Variants in CRTC3 observed in about 807,000 individuals in gnomAD.
CRTC3 encodes the protein CREB regulated transcription coactivator 3.
In CRTC3, 26 loss-of-function variants were observed where a neutral mutation model predicts 74.5. That is an observed-to-expected ratio of 0.35 (90% CI 0.26 to 0.48). The LOEUF (loss-of-function observed/expected upper bound fraction) is 0.48, where lower values mean the gene tolerates loss of function less well. Ranked by LOEUF, CRTC3 falls within the 20% of genes least tolerant of loss-of-function variation. The pLI is 0.99. For synonymous variants in CRTC3, 377 were observed against 325.8 expected (o/e 1.16, Z -1.69); for missense variants, 760 against 787.3 (o/e 0.97, Z 0.41).
At chr15:90,629,137 A>G in intron 10 of CRTC3, 97 bp from the exon 11 acceptor site, 12 of 1,177,618 alleles carry the variant, frequency 1.0e-5, no homozygotes, top group South Asian at 1.5e-5. Flanking sequence ...CTACAGAATC[A>G]TCATCGCATG....
intron 2 of CRTC3, among the ~76,000 whole-genome samples, chr15:90,557,339 G>A (rs941669081): frequency 3.3e-5 from 5 of 152,142 alleles, no homozygotes; most frequent in African/African-American, 1.2e-4. Flanking sequence ...CCTTGAGGTT[G>A]CTTTCTCGCC....
chr15:90,582,568 A>G (rs1427414405), intron 2 of CRTC3, among the ~76,000 whole-genome samples: 1 of 152,230 alleles, frequency 6.6e-6, no homozygotes, highest in African/African-American at 2.4e-5. Flanking sequence ...AAAGAGTTTT[A>G]TATCCCCAAT....
chr15:90,588,127 G>A (rs1967710667), intron 2 of CRTC3, among the ~76,000 whole-genome samples: 1 of 151,916 alleles, frequency 6.6e-6, no homozygotes, highest in East Asian at 1.9e-4. Flanking sequence ...AGGCATGGTA[G>A]CACATGCCTG....
At position 90,628,222 on chromosome 15, in the gene CRTC3, A is replaced by AAAT. The variant is rs1018430137; in HGVS notation, c.968-998_968-996dup. Among the ~76,000 whole-genome samples the AAAT allele has an allele frequency of 5.4e-3, 812 of 151,494 alleles. 5 individuals are homozygous for AAAT. The highest frequency in any genetic ancestry group is 7.5e-3 in the Non-Finnish European group (507 of 67,880). ...ACAGAGCGAGACTCTGTCTCAAAAA[A>AAAT]AATAATAATAATAATAGTGATAATA... On this transcript the variant is annotated intron_variant, in intron 10 of 14. Transcript: ENST00000268184.
At chr15:90,534,380 G>C (rs1031188934) in intron 1 of CRTC3, among the ~76,000 whole-genome samples, 1 of 152,178 alleles carries the variant, frequency 6.6e-6, no homozygotes. Context: ...TGTTTAGATG[G>C]TTTTGCAGCT....
intron 6 of CRTC3, among the ~76,000 whole-genome samples, chr15:90,611,886 T>C (rs1281594151): frequency 1.3e-5 from 2 of 152,270 alleles, no homozygotes; most frequent in East Asian, 3.9e-4. Context: ...CTTCTCCAAC[T>C]GAAACCTTCC....
chr15:90,574,175 T>A lies in CRTC3; in HGVS notation c.232-19461T>A, dbSNP rs186322463. Among the ~76,000 whole-genome samples, 1,379 of 152,242 alleles carry A rather than the reference T, an allele frequency of 9.1e-3. 18 individuals are homozygous for A. The highest frequency in any genetic ancestry group is 0.032 in the African/African-American group (1,317 of 41,526). On this transcript the variant is annotated intron_variant, in intron 2 of 14. Transcript: ENST00000268184. Reference sequence around the variant, plus strand: ...GAACATTTAAGTAATTTACAGATTTTAAAAAAATATATAAACTTATTGGCC... The same window carrying A: ...GAACATTTAAGTAATTTACAGATTTAAAAAAAATATATAAACTTATTGGCC...
At chr15:90,614,192 T>G in intron 6 of CRTC3, 1 of 414,386 alleles carries the variant, frequency 2.4e-6, no homozygotes, top group Non-Finnish European at 4.4e-6. Context: ...ATTGTTCTCC[T>G]CTCAGGACAG....
chr15:90,628,040 A>AC (rs1825070574), intron 10 of CRTC3, among the ~76,000 whole-genome samples: 1 of 150,478 alleles, frequency 6.6e-6, no homozygotes. Context: ...ACACGGTGAA[A>AC]CCCCATCTCT....
intron 2 of CRTC3, among the ~76,000 whole-genome samples, chr15:90,565,340 T>C (rs570857699): frequency 2.3e-4 from 35 of 152,302 alleles, no homozygotes; most frequent in Non-Finnish European, 4.6e-4. Context: ...AACGAGATAA[T>C]GTATACGAAG....
intron 1 of CRTC3, among the ~76,000 whole-genome samples, chr15:90,536,293 T>G (rs1194345814): frequency 6.6e-6 from 1 of 151,896 alleles, no homozygotes; most frequent in Non-Finnish European, 1.5e-5. Flanking sequence ...CCCAGCACTT[T>G]GGGAGGCTGA....
chr15:90,595,324 G>A (rs1342716142), intron 3 of CRTC3: 1 of 152,130 alleles, frequency 6.6e-6, no homozygotes, highest in Admixed American at 6.5e-5. Flanking sequence ...TGTAATCCCA[G>A]CACTTTGGGA....
At chr15:90,565,351 C>T (rs966960881) in intron 2 of CRTC3, among the ~76,000 whole-genome samples, 16 of 152,210 alleles carry the variant, frequency 1.1e-4, no homozygotes, top group Non-Finnish European at 2.4e-4. Context: ...GTATACGAAG[C>T]ATCTAACACT....
intron 2 of CRTC3, among the ~76,000 whole-genome samples, chr15:90,585,889 G>C (rs79045859): frequency 6.6e-6 from 1 of 152,036 alleles, no homozygotes; most frequent in African/African-American, 2.4e-5. Flanking sequence ...CTGTCCTCTG[G>C]GGTTCTTATC....
chr15:90,567,326 G>A (rs1967145175), intron 2 of CRTC3, among the ~76,000 whole-genome samples: 2 of 152,102 alleles, frequency 1.3e-5, no homozygotes, highest in Non-Finnish European at 2.9e-5. Flanking sequence ...AGAAAAAAAA[G>A]ATTCCTTTCA....
intron 2 of CRTC3, among the ~76,000 whole-genome samples, chr15:90,591,043 C>T (rs1207751227): frequency 2.6e-5 from 4 of 152,018 alleles, no homozygotes; most frequent in African/African-American, 9.7e-5. Flanking sequence ...CAGCCTCGAA[C>T]ACCTGGGTTC....
chr15:90,535,349 T>G (rs2151053705), intron 1 of CRTC3, among the ~76,000 whole-genome samples: 1 of 152,242 alleles, frequency 6.6e-6, no homozygotes, highest in African/African-American at 2.4e-5. Flanking sequence ...CAGCTGAGCC[T>G]AGTGCTGCTG....
At chr15:90,612,989 A>G (rs1412899768) in intron 6 of CRTC3, among the ~76,000 whole-genome samples, 1 of 152,116 alleles carries the variant, frequency 6.6e-6, no homozygotes, top group African/African-American at 2.4e-5. Flanking sequence ...ACCTGAGGTC[A>G]GGAGGTTAAG....
At chr15:90,639,662 C>G in intron 13 of CRTC3, among the ~76,000 whole-genome samples, 1 of 151,152 alleles carries the variant, frequency 6.6e-6, no homozygotes, top group East Asian at 2.0e-4. Context: ...GTTGACCAGG[C>G]TAATCTTGAA....
Sources: gnomAD v4.1 joint callset for allele counts (sites outside exome capture counted in the v4.1 genomes callset) on GRCh38, gnomAD v4.1.1 for gene constraint, MANE v1.5 for transcripts, NCBI Gene and HGNC (gene_info 2026-07-23, HGNC 2026-07-21) for gene names.